NR6A1: variants seen among roughly 807,000 people sequenced by gnomAD.
The protein encoded by NR6A1 is nuclear receptor subfamily 6 group A member 1, also known as retinoic acid receptor-related testis-associated receptor.
A neutral mutation model predicts 59.1 loss-of-function variants in NR6A1; 7 were observed. The observed-to-expected ratio is 0.12, with a 90% CI of 0.07 to 0.22. NR6A1 has a LOEUF of 0.22. Among genes scored for constraint, NR6A1 ranks in the 10% least tolerant of loss-of-function variants. The probability of loss-of-function intolerance (pLI) is 1.00; values close to 1 mark genes in which losing one functional copy is unlikely to be tolerated. For synonymous variants in NR6A1, 243 were observed against 236.1 expected, an observed-to-expected ratio of 1.03 and a Z score of -0.27; for missense variants, 468 against 611.6, an observed-to-expected ratio of 0.77 and a Z score of 2.48.
intron 2 of NR6A1, among the ~76,000 whole-genome samples, chr9:124,714,233 A>G (rs917808820): frequency 2.0e-5 from 3 of 152,220 alleles, no homozygotes; most frequent in Non-Finnish European, 4.4e-5. Context: ...TACCAGGAGC[A>G]GGGGAGAATG....
At chr9:124,746,534 A>G (rs973620306) in intron 1 of NR6A1, among the ~76,000 whole-genome samples, 1 of 152,170 alleles carries the variant, frequency 6.6e-6, no homozygotes, top group Non-Finnish European at 1.5e-5. Context: ...GGTTGCAGTG[A>G]GCCAAGATTG....
intron 2 of NR6A1, among the ~76,000 whole-genome samples, chr9:124,574,154 C>T (rs1382950541): frequency 6.6e-6 from 1 of 152,170 alleles, no homozygotes; most frequent in Non-Finnish European, 1.5e-5. Context: ...CTATGTCCTG[C>T]GTACTCTTAT....
intron 2 of NR6A1, among the ~76,000 whole-genome samples, chr9:124,669,640 C>T (rs924244367): frequency 6.6e-6 from 1 of 152,180 alleles, no homozygotes; most frequent in Non-Finnish European, 1.5e-5. Context: ...GCAATACAAT[C>T]CAACGGGATA....
At position 124,771,071 on chromosome 9, in the gene NR6A1, A is replaced by C; in HGVS notation, c.49T>G (p.Ser17Ala). ...PPSGGGGGGGSAGFLEPPAAL... is the reference protein window; with the variant it reads ...PPSGGGGGGGAAGFLEPPAAL... ...GCGGGAGGCTCCAGGAACCCCGCCG[A>C]GCCCCCGCCGCCTCCCCCTCCGCTA... The change falls in exon 1 of 10, where the codon TCG becomes GCG. Residue 17 changes from serine (S) to alanine (A), a missense_variant. This residue lies in a region of NR6A1 where 75 missense variants were observed against 65.6 expected (regional missense o/e 1.14). Coordinates refer to ENST00000487099, the MANE Select transcript of NR6A1 (RefSeq NM_033334.4). 8.1e-7 allele frequency: 1 copy of C among 1,229,998 alleles called. No homozygotes were observed. Among genetic ancestry groups the C allele is most frequent in the Non-Finnish European group, 1.0e-6 (1 of 986,980 alleles). The allele number at this position is 1,229,998 out of a possible 1,614,324, so 76.2% of individuals were successfully genotyped here.
intron 2 of NR6A1, among the ~76,000 whole-genome samples, chr9:124,644,550 C>G (rs550935086): frequency 1.2e-4 from 18 of 152,206 alleles, no homozygotes; most frequent in African/African-American, 4.3e-4. Context: ...CTGTGCCCAG[C>G]CAATTAAGTC....
At chr9:124,550,207 T>A (rs1833730008) in intron 3 of NR6A1, among the ~76,000 whole-genome samples, 1 of 152,152 alleles carries the variant, frequency 6.6e-6, no homozygotes, top group Non-Finnish European at 1.5e-5. Flanking sequence ...TGGCTAAAGT[T>A]ATGTCTGTCA....
At chr9:124,526,976 T>C (rs1375277072) in intron 7 of NR6A1, 76 bp from the exon 8 acceptor site, 4 of 1,560,518 alleles carry the variant, frequency 2.6e-6, no homozygotes, top group East Asian at 2.3e-5. Flanking sequence ...AGAGAGCTCC[T>C]ACAGCTCCTT....
intron 7 of NR6A1, 50 bp downstream of exon 7, chr9:124,535,828 T>A: frequency 6.2e-7 from 1 of 1,604,430 alleles, no homozygotes; most frequent in Non-Finnish European, 8.5e-7. Flanking sequence ...CTTACAGGGA[T>A]GACAATTGTT....
intron 2 of NR6A1, among the ~76,000 whole-genome samples, chr9:124,652,970 A>G (rs1837148202): frequency 6.6e-6 from 1 of 152,232 alleles, no homozygotes; most frequent in South Asian, 2.1e-4. Context: ...CAGAGGAAGA[A>G]TATTTCTGCC....
rs191775984 is a variant in NR6A1 at position 124,540,209 on chromosome 9, T to C, written c.442-22A>G. On this transcript the variant is annotated intron_variant, in intron 4 of 9. Transcript: ENST00000487099. ...ATATCTTTGACAAGGAATTGAGACA[T>C]GTTAGATGGGTGCTCAGGACACTTG... 95 of 1,609,254 alleles carry C rather than the reference T, an allele frequency of 5.9e-5. No individual in the cohort carries two copies. In the East Asian group the frequency reaches 1.9e-3, roughly 31 times the overall value.
chr9:124,604,005 T>C (rs1835514061), intron 2 of NR6A1, among the ~76,000 whole-genome samples: 1 of 152,176 alleles, frequency 6.6e-6, no homozygotes, highest in Non-Finnish European at 1.5e-5. Context: ...AAAATTGAAC[T>C]CTCTAAGGAT....
chr9:124,571,473 C>T lies in NR6A1; in HGVS notation c.143-16903G>A, dbSNP rs1372571058. ...ATCTTTTCTTTGAGAGCAGCCACTG[C>T]CCTGCCTGTGGGGCACTATGTTTAC... On this transcript the variant is annotated intron_variant, in intron 2 of 9. Transcript: ENST00000487099. Among the ~76,000 whole-genome samples, 6 of 152,324 alleles carry T rather than the reference C, an allele frequency of 3.9e-5. No individual in the cohort carries two copies. In the East Asian group the frequency reaches 9.6e-4, roughly 24 times the overall value.
chr9:124,712,532 T>TGGGAGGCGAAGGATGCA (rs1839309288), intron 2 of NR6A1, among the ~76,000 whole-genome samples: 1 of 150,838 alleles, frequency 6.6e-6, no homozygotes, highest in East Asian at 2.0e-4. Context: ...CGCCTGAACC[T>TGGGAGGCGAAGGATGCA]GGGAGGCGAA....
chr9:124,559,730 T>G (rs561180234), intron 2 of NR6A1, among the ~76,000 whole-genome samples: 1 of 152,136 alleles, frequency 6.6e-6, no homozygotes, highest in African/African-American at 2.4e-5. Context: ...TGAGCCAAGA[T>G]TGCGCCACTG....
At chr9:124,553,847 T>G (rs892598361) in intron 3 of NR6A1, among the ~76,000 whole-genome samples, 1 of 152,146 alleles carries the variant, frequency 6.6e-6, no homozygotes, top group Admixed American at 6.5e-5. Flanking sequence ...AGTTTGTTCA[T>G]ATTATCTCAG....
intron 6 of NR6A1, among the ~76,000 whole-genome samples, chr9:124,537,444 TCTC>T (rs1833302317): frequency 6.6e-6 from 1 of 152,134 alleles, no homozygotes; most frequent in Non-Finnish European, 1.5e-5. Context: ...GATATTTTAA[TCTC>T]CTCTTCTGAA....
chr9:124,577,390 T>C (rs185910649), intron 2 of NR6A1, among the ~76,000 whole-genome samples: 1 of 152,334 alleles, frequency 6.6e-6, no homozygotes, highest in Non-Finnish European at 1.5e-5. Context: ...AATTAGTAGT[T>C]GATTTGGCTA....
intron 2 of NR6A1, among the ~76,000 whole-genome samples, chr9:124,662,451 C>T (rs1025883151): frequency 2.0e-5 from 3 of 151,834 alleles, no homozygotes; most frequent in Non-Finnish European, 4.4e-5. Context: ...AAATAGACAC[C>T]CTGCAGGATT....
intron 7 of NR6A1, among the ~76,000 whole-genome samples, chr9:124,528,481 G>A (rs1833006065): frequency 6.6e-6 from 1 of 152,116 alleles, no homozygotes; most frequent in South Asian, 2.1e-4. Flanking sequence ...TAGGCAGACT[G>A]CTTGAGCCCA....
Sources: gnomAD v4.1 joint callset for allele counts (sites outside exome capture counted in the v4.1 genomes callset) on GRCh38, gnomAD v4.1.1 for gene constraint, gnomAD v4.1.1 regional missense constraint, MANE v1.5 for transcripts, NCBI Gene and HGNC (gene_info 2026-07-23, HGNC 2026-07-21) for gene names.